Variants in KCNAB1 observed in about 807,000 individuals in gnomAD.
KCNAB1 encodes the protein potassium voltage-gated channel subfamily A regulatory beta subunit 1.
Under a neutral mutation model 64.6 loss-of-function variants are expected in KCNAB1, and 35 were observed. The observed-to-expected ratio is 0.54, with a 90% CI of 0.41 to 0.72. The LOEUF (loss-of-function observed/expected upper bound fraction) is 0.72, where lower values mean the gene tolerates loss of function less well. Ranked by LOEUF, KCNAB1 falls within the 30% of genes least tolerant of loss-of-function variation. KCNAB1 has a pLI of 0.00. For synonymous variants in KCNAB1, 177 were observed against 183.8 expected (o/e 0.96, Z 0.30); for missense variants, 401 against 512.9 (o/e 0.78, Z 2.11).
intron 1 of KCNAB1, among the ~76,000 whole-genome samples, chr3:156,295,807 A>G (rs1720734309): frequency 6.6e-6 from 1 of 152,174 alleles, no homozygotes; most frequent in South Asian, 2.1e-4. Flanking sequence ...TGATCAAGTC[A>G]GGGTATTTAG....
At chr3:156,364,709 T>G (rs1316264089) in intron 1 of KCNAB1, among the ~76,000 whole-genome samples, 2 of 151,574 alleles carry the variant, frequency 1.3e-5, no homozygotes, top group Non-Finnish European at 2.9e-5. Flanking sequence ...ACCTGGGAGG[T>G]GGAGGTTCCG....
At chr3:156,466,895 A>G (rs1014986957) in intron 7 of KCNAB1, among the ~76,000 whole-genome samples, 1 of 152,086 alleles carries the variant, frequency 6.6e-6, no homozygotes, top group African/African-American at 2.4e-5. Flanking sequence ...TACTTTTTGC[A>G]GTAAAGAAAA....
At chr3:156,472,894 C>T (rs1184421511) in intron 7 of KCNAB1, among the ~76,000 whole-genome samples, 1 of 152,154 alleles carries the variant, frequency 6.6e-6, no homozygotes, top group African/African-American at 2.4e-5. Flanking sequence ...ATGACAAAAT[C>T]ACACCTGTCT....
chr3:156,223,267 A>T (rs1482068926), intron 1 of KCNAB1, among the ~76,000 whole-genome samples: 2 of 152,178 alleles, frequency 1.3e-5, no homozygotes, highest in Non-Finnish European at 2.9e-5. Context: ...TATTGCAAAG[A>T]GTGAAAGAAC....
At chr3:156,476,106 A>G (rs1397375424) in intron 8 of KCNAB1, among the ~76,000 whole-genome samples, 1 of 152,142 alleles carries the variant, frequency 6.6e-6, no homozygotes. Context: ...AGAAGTATTT[A>G]TTGCAAGGAT....
intron 1 of KCNAB1, among the ~76,000 whole-genome samples, chr3:156,203,495 C>A (rs1054997698): frequency 1.3e-5 from 2 of 152,028 alleles, no homozygotes; most frequent in Non-Finnish European, 2.9e-5. Context: ...ACCGTTTTCC[C>A]CAACTATAAA....
At chr3:156,374,418 C>T (rs574772056) in intron 1 of KCNAB1, among the ~76,000 whole-genome samples, 1 of 85,342 alleles carries the variant, frequency 1.2e-5, no homozygotes, top group South Asian at 2.8e-4. Flanking sequence ...TGAGCCATAC[C>T]CTAGAGCACT....
At chr3:156,140,764 G>A (rs1714660382) in intron 1 of KCNAB1, among the ~76,000 whole-genome samples, 1 of 152,216 alleles carries the variant, frequency 6.6e-6, no homozygotes, top group Non-Finnish European at 1.5e-5. Context: ...GCAAATGTTT[G>A]TGAAACGGTT....
intron 1 of KCNAB1, among the ~76,000 whole-genome samples, chr3:156,303,222 G>A (rs1268511050): frequency 6.6e-6 from 1 of 152,044 alleles, no homozygotes; most frequent in Non-Finnish European, 1.5e-5. Flanking sequence ...TAGAATACTG[G>A]GCTTTGAAGG....
rs1719124378 is a variant in KCNAB1 at position 156,537,281 on chromosome 3, GGAA to G, written c.*538_*540del. ...GTATCTTCACTCAAAAGTCTTGCTT[GGAA>G]GAATAAGCAGAAATAATTTTATATA... On this transcript the variant is annotated 3_prime_UTR_variant, in exon 14 of 14. Transcript: ENST00000490337. 5.5e-5 allele frequency: 21 copies of G among 382,168 alleles called. No individual in the cohort carries two copies. Among genetic ancestry groups the G allele is most frequent in the Non-Finnish European group, 9.2e-5 (20 of 218,180 alleles). 23.7% of individuals were successfully genotyped at this position (382,168 alleles called of 1,614,324 possible).
intron 1 of KCNAB1, among the ~76,000 whole-genome samples, chr3:156,212,641 G>A (rs1352598037): frequency 6.6e-6 from 1 of 152,156 alleles, no homozygotes; most frequent in Non-Finnish European, 1.5e-5. Context: ...AGAGTTTATT[G>A]CAGAGGTCTG....
intron 3 of KCNAB1, chr3:156,457,173 G>A: frequency 1.7e-6 from 2 of 1,193,738 alleles, no homozygotes; most frequent in Non-Finnish European, 2.1e-6. Context: ...TGTCAAACCA[G>A]CTCTTCCCAG....
intron 1 of KCNAB1, among the ~76,000 whole-genome samples, chr3:156,182,629 T>TTCC (rs1491347693): frequency 3.3e-5 from 4 of 120,492 alleles, no homozygotes; most frequent in East Asian, 2.7e-4. Flanking sequence ...GGTTTTTTTT[T>TTCC]CCCCCCCCCG....
intron 4 of KCNAB1, among the ~76,000 whole-genome samples, chr3:156,459,432 G>T (rs565878115): frequency 3.3e-5 from 5 of 152,012 alleles, no homozygotes; most frequent in Admixed American, 6.6e-5. Context: ...ACAATGTGAG[G>T]TGTCATTGTT....
At chr3:156,354,128 ATATATATATATATATG>A (rs1442367567) in intron 1 of KCNAB1, among the ~76,000 whole-genome samples, 1 of 143,630 alleles carries the variant, frequency 7.0e-6, no homozygotes, top group Non-Finnish European at 1.5e-5. Flanking sequence ...GTGTATATAT[ATATATATATATATATG>A]TGTATATATA....
intron 1 of KCNAB1, among the ~76,000 whole-genome samples, chr3:156,147,518 A>G (rs1172073277): frequency 1.3e-5 from 2 of 152,236 alleles, no homozygotes; most frequent in African/African-American, 4.8e-5. Context: ...GAATTTTCCA[A>G]TAACAAAAAC....
chr3:156,204,840 CAAT>C (rs1352572088), intron 1 of KCNAB1, among the ~76,000 whole-genome samples: 11 of 151,936 alleles, frequency 7.2e-5, no homozygotes, highest in Non-Finnish European at 1.5e-4. Flanking sequence ...TCAACAACAA[CAAT>C]AACAACAACA....
intron 1 of KCNAB1, among the ~76,000 whole-genome samples, chr3:156,367,171 C>CTTTTT (rs9331286): frequency 8.4e-6 from 1 of 118,416 alleles, no homozygotes; most frequent in African/African-American, 3.5e-5. Flanking sequence ...AGTAATCTAC[C>CTTTTT]TTTTTTTTTT....
chr3:156,294,577 A>G (rs76169938), intron 1 of KCNAB1, among the ~76,000 whole-genome samples: 2,233 of 152,350 alleles, frequency 0.015, 20 homozygotes, highest in South Asian at 0.035. Context: ...TTTTAACTAA[A>G]GTATAATGTG....
Sources: allele counts gnomAD v4.1 joint callset (sites outside exome capture counted in the v4.1 genomes callset), GRCh38; gene constraint gnomAD v4.1.1; transcripts MANE v1.5; gene names NCBI Gene and HGNC (gene_info 2026-07-23, HGNC 2026-07-21).